NWD1: variants seen among roughly 807,000 people sequenced by gnomAD.
NWD1 encodes NACHT domain- and WD repeat-containing protein 1.
Under a neutral mutation model 135.1 loss-of-function variants are expected in NWD1, and 129 were observed. The observed-to-expected ratio is 0.96, with a 90% CI of 0.83 to 1.11. The LOEUF is 1.11. Ranked by LOEUF, NWD1 falls within the 50% of genes least tolerant of loss-of-function variation. The pLI is 0.00. For missense variants in NWD1, 1,740 were observed against 1,851.3 expected (o/e 0.94, Z 1.10); for synonymous variants, 773 against 786.0 (o/e 0.98, Z 0.28).
intron 14 of NWD1, among the ~76,000 whole-genome samples, chr19:16,793,929 T>C (rs1011945332): frequency 1.3e-5 from 2 of 152,110 alleles, no homozygotes; most frequent in African/African-American, 4.8e-5. Context: ...TCTCAGTCTG[T>C]CACCCTGGCT....
intron 12 of NWD1, among the ~76,000 whole-genome samples, chr19:16,781,110 C>T (rs1188990116): frequency 6.6e-6 from 1 of 152,154 alleles, no homozygotes; most frequent in African/African-American, 2.4e-5. Flanking sequence ...ACAGATATGG[C>T]TTATTTCTGT....
At chr19:16,729,997 A>G (rs1967491256) in intron 2 of NWD1, among the ~76,000 whole-genome samples, 1 of 152,144 alleles carries the variant, frequency 6.6e-6, no homozygotes, top group South Asian at 2.1e-4. Flanking sequence ...TGTGTTTTCA[A>G]TAGCACTCTT....
chr19:16,807,745 G>T lies in NWD1; in HGVS notation c.3896G>T (p.Arg1299Leu), dbSNP rs148542774. The T allele has an allele frequency of 6.2e-7, 1 of 1,613,052 alleles. No homozygotes were observed. The change falls in exon 18 of 19, where the codon CGG becomes CTG. Residue 1299 changes from arginine (R) to leucine (L), a missense_variant. Arg to Leu is a moderately radical substitution (Grantham distance 102). Transcript: ENST00000524140. ...DVICIPPPEA[R>L]KAINCMSLSK... ...ATATGCATTCCCCCTCCCGAGGCCC[G>T]GAAAGCAATCAACTGCATGTCCCTG...
intron 2 of NWD1, among the ~76,000 whole-genome samples, chr19:16,725,852 C>A (rs1470694251): frequency 6.6e-6 from 1 of 152,084 alleles, no homozygotes; most frequent in Non-Finnish European, 1.5e-5. Context: ...TAGCTCACAG[C>A]AGCCTTGAAC....
chr19:16,802,463 T>TA (rs1165843521), intron 17 of NWD1, among the ~76,000 whole-genome samples: 1,014 of 96,452 alleles, frequency 0.011, 16 homozygotes, highest in African/African-American at 0.034. Context: ...CTATCTCAAT[T>TA]AAAAAAAAAA....
intron 13 of NWD1, 107 bp from the exon 14 acceptor site, chr19:16,791,243 A>G: frequency 9.9e-7 from 1 of 1,013,260 alleles, no homozygotes; most frequent in Non-Finnish European, 1.5e-6. Flanking sequence ...CCAAAAGAAA[A>G]GAAAATGCAT....
intron 3 of NWD1, among the ~76,000 whole-genome samples, chr19:16,733,997 C>G (rs1967685995): frequency 1.3e-5 from 2 of 152,046 alleles, no homozygotes; most frequent in Admixed American, 6.6e-5. Context: ...GGGACTGTTC[C>G]GAGTTGTCTT....
chr19:16,787,445 C>G (rs973456227), intron 12 of NWD1, among the ~76,000 whole-genome samples: 2 of 152,148 alleles, frequency 1.3e-5, no homozygotes, highest in Non-Finnish European at 2.9e-5. Context: ...ACATCTGGGG[C>G]AACTGATTGA....
chr19:16,736,673 A>G lies in NWD1; in HGVS notation c.121A>G (p.Thr41Ala). Residue 41 changes from threonine to alanine, a missense_variant, in exon 4 of 19, where the codon ACT becomes GCT. By Grantham distance (58) the Thr-to-Ala change is moderately conservative. Transcript: ENST00000524140. ...GTGGGGTATTCGGAACATTGAAGCC[A>G]CTGACCACTTGACCACAGAACTCTG... ...LRWGIRNIEA[T>A]DHLTTELCLE... 1.3e-6 allele frequency: 2 copies of G among 1,536,202 alleles called. No individual in the cohort carries two copies. Among genetic ancestry groups the G allele is most frequent in the Non-Finnish European group, 1.7e-6 (2 of 1,146,862 alleles).
chr19:16,784,726 C>T (rs908501180), intron 12 of NWD1, among the ~76,000 whole-genome samples: 12 of 151,812 alleles, frequency 7.9e-5, no homozygotes, highest in African/African-American at 2.7e-4. Flanking sequence ...GTCAAGAGAT[C>T]GAGACCATCC....
intron 12 of NWD1, among the ~76,000 whole-genome samples, chr19:16,782,093 C>CA (rs753198049): frequency 0.011 from 657 of 58,504 alleles, 4 homozygotes; most frequent in Admixed American, 0.019. Flanking sequence ...GACTCTGTCT[C>CA]AAAAAAAAAA....
chr19:16,751,181 G>A (rs560679366), intron 6 of NWD1, among the ~76,000 whole-genome samples: 254 of 147,780 alleles, frequency 1.7e-3, no homozygotes, highest in African/African-American at 5.6e-3. Flanking sequence ...CCGAGATCAC[G>A]CCATTGCACT....
intron 6 of NWD1, among the ~76,000 whole-genome samples, chr19:16,755,296 G>T (rs1968747629): frequency 6.6e-6 from 1 of 152,118 alleles, no homozygotes; most frequent in Non-Finnish European, 1.5e-5. Flanking sequence ...GCTCGCCGCA[G>T]TCTTGACTTC....
rs534453798 is a variant in NWD1, at chr19:16,747,022, A to G, written c.497-2117A>G. On this transcript the variant is annotated intron_variant, in intron 5 of 18. Transcript: ENST00000524140. ...ACTTCCACCTCTGTCTAGTTCCAAGATATTTTCTTTTTCTTTCTTTTTTTT... is the reference window on the plus strand; with the variant it reads ...ACTTCCACCTCTGTCTAGTTCCAAGGTATTTTCTTTTTCTTTCTTTTTTTT... Among the ~76,000 whole-genome samples the G allele has an allele frequency of 3.4e-5, 5 of 148,526 alleles. No individual in the cohort carries two copies. In the South Asian group the frequency reaches 6.3e-4, roughly 19 times the overall value.
intron 12 of NWD1, among the ~76,000 whole-genome samples, chr19:16,781,482 G>T (rs2123002749): frequency 6.6e-6 from 1 of 152,138 alleles, no homozygotes; most frequent in East Asian, 1.9e-4. Context: ...CAGGCATGGT[G>T]GTGCACACCT....
At chr19:16,733,351 T>A (rs901474883) in intron 3 of NWD1, among the ~76,000 whole-genome samples, 1 of 151,514 alleles carries the variant, frequency 6.6e-6, no homozygotes, top group Non-Finnish European at 1.5e-5. Context: ...TGAAACCCCC[T>A]CTCTACTAAA....
rs141798756 is a variant in NWD1 at position 16,723,423 on chromosome 19, C to A, written c.-104-943C>A. On this transcript the variant is annotated intron_variant, in intron 1 of 18. Coordinates refer to ENST00000524140, the MANE Select transcript of NWD1 (RefSeq NM_001007525.5). ...CATGTTGCCCAGGCTGGTCTTGAAC[C>A]CTTGGACTCCCAAAGTGCTGGGATT... Among the ~76,000 whole-genome samples, 29 of 151,762 alleles carry A rather than the reference C, an allele frequency of 1.9e-4. No homozygotes were observed. The South Asian group carries it at 4.8e-3, about 25-fold the overall frequency.
intron 12 of NWD1, among the ~76,000 whole-genome samples, chr19:16,780,515 G>A (rs918217243): frequency 3.9e-5 from 6 of 151,992 alleles, no homozygotes; most frequent in African/African-American, 1.2e-4. Flanking sequence ...CCTGGACTTG[G>A]AGTTGGCACC....
intron 18 of NWD1, among the ~76,000 whole-genome samples, chr19:16,809,022 C>T (rs960997020): frequency 6.6e-6 from 1 of 152,120 alleles, no homozygotes; most frequent in Non-Finnish European, 1.5e-5. Flanking sequence ...TGCCACTGCT[C>T]TCTAGCCTGG....
Sources: gnomAD v4.1 joint callset for allele counts (sites outside exome capture counted in the v4.1 genomes callset) on GRCh38, gnomAD v4.1.1 for gene constraint, MANE v1.5 for transcripts, NCBI Gene and HGNC (gene_info 2026-07-23, HGNC 2026-07-21) for gene names.